UNC5C: variants seen among roughly 807,000 people sequenced by gnomAD.
UNC5C encodes netrin receptor UNC5C.
A neutral mutation model predicts 99.8 loss-of-function variants in UNC5C; 47 were observed. That is an observed-to-expected ratio of 0.47 (90% confidence interval 0.37 to 0.60). The LOEUF (loss-of-function observed/expected upper bound fraction) is 0.60. Among genes scored for constraint, UNC5C ranks in the 20% least tolerant of loss-of-function variants. The probability of loss-of-function intolerance (pLI) is 0.00; values close to 1 mark genes in which losing one functional copy is unlikely to be tolerated. For synonymous variants in UNC5C, 487 were observed against 452.2 expected (o/e 1.08, Z -0.98); for missense variants, 1,062 against 1,165.9 (o/e 0.91, Z 1.30).
intron 5 of UNC5C, chr4:95,248,389 A>G (rs1033348857): frequency 2.9e-6 from 1 of 339,872 alleles, no homozygotes; most frequent in Non-Finnish European, 5.8e-6. Flanking sequence ...GTTATGAAAA[A>G]GTCAATTATG....
intron 1 of UNC5C, among the ~76,000 whole-genome samples, chr4:95,398,309 A>G (rs1038790147): frequency 1.3e-5 from 2 of 152,058 alleles, no homozygotes; most frequent in African/African-American, 4.8e-5. Context: ...CAAAGTTGAA[A>G]CCAAGAAACC....
intron 7 of UNC5C, among the ~76,000 whole-genome samples, chr4:95,226,888 G>C (rs184160466): frequency 6.6e-6 from 1 of 152,228 alleles, no homozygotes; most frequent in African/African-American, 2.4e-5. Context: ...GGAGGCCAAG[G>C]ATATTGAATG....
chr4:95,301,446 C>T (rs113637222), intron 3 of UNC5C, among the ~76,000 whole-genome samples, 160 bp downstream of exon 3: 6,943 of 152,150 alleles, frequency 0.046, 516 homozygotes, highest in African/African-American at 0.16. Context: ...CCGCCCACCT[C>T]GGCCTCCCAA....
At chr4:95,296,682 A>C (rs536146406) in intron 3 of UNC5C, among the ~76,000 whole-genome samples, 1 of 152,214 alleles carries the variant, frequency 6.6e-6, no homozygotes, top group African/African-American at 2.4e-5. Context: ...TTTTAAGTAT[A>C]TATTGTGCTT....
At chr4:95,378,548 G>A (rs1195480122) in intron 1 of UNC5C, among the ~76,000 whole-genome samples, 2 of 152,046 alleles carry the variant, frequency 1.3e-5, no homozygotes, top group East Asian at 3.9e-4. Flanking sequence ...AGCTTTTGAT[G>A]GATCACCAGA....
Position 95,355,078 on chromosome 4 carries a change from G to A in UNC5C, c.125-19447C>T, listed in dbSNP as rs1189856738. Among the ~76,000 whole-genome samples the A allele has an allele frequency of 3.3e-5, 5 of 152,070 alleles. No homozygotes were observed. The East Asian group carries it at 9.7e-4, about 29-fold the overall frequency. ...TTTGTTCTCATAGATTAAGAATTGT[G>A]TAATTGCTATAAAAATAGGCTTTGA... On this transcript the variant is annotated intron_variant, in intron 1 of 15. Coordinates refer to ENST00000453304, the MANE Select transcript of UNC5C (RefSeq NM_003728.4).
At chr4:95,495,703 T>G (rs538288824) in intron 1 of UNC5C, among the ~76,000 whole-genome samples, 1 of 151,724 alleles carries the variant, frequency 6.6e-6, no homozygotes, top group East Asian at 1.9e-4. Flanking sequence ...ATGGCAGATC[T>G]AGGATTTAAA....
intron 1 of UNC5C, among the ~76,000 whole-genome samples, chr4:95,379,197 A>C (rs1744989169): frequency 6.6e-6 from 1 of 152,208 alleles, no homozygotes; most frequent in Non-Finnish European, 1.5e-5. Flanking sequence ...CTCCAAGTTC[A>C]CTTAAGTCTT....
chr4:95,235,829 T>G (rs969678037), intron 7 of UNC5C, among the ~76,000 whole-genome samples: 1 of 151,982 alleles, frequency 6.6e-6, no homozygotes, highest in Non-Finnish European at 1.5e-5. Context: ...AAAAGACACA[T>G]GAAAAAATGA....
chr4:95,467,458 G>A (rs965049753), intron 1 of UNC5C, among the ~76,000 whole-genome samples: 8 of 152,078 alleles, frequency 5.3e-5, no homozygotes, highest in African/African-American at 1.2e-4. Context: ...AACCCTTGCA[G>A]CATGCATATA....
intron 1 of UNC5C, among the ~76,000 whole-genome samples, chr4:95,359,372 G>A (rs1393583550): frequency 4.6e-5 from 7 of 151,862 alleles, no homozygotes; most frequent in Non-Finnish European, 1.5e-5. Flanking sequence ...TTGGCCAAAG[G>A]TGTTCAGCTC....
chr4:95,500,979 A>G (rs535982008), intron 1 of UNC5C, among the ~76,000 whole-genome samples: 5 of 152,130 alleles, frequency 3.3e-5, no homozygotes, highest in Non-Finnish European at 7.4e-5. Context: ...CTGCATGATC[A>G]TTAGTCGAAA....
rs367817992 is a variant in UNC5C at position 95,419,823 on chromosome 4, C to T, written c.125-84192G>A. On this transcript the variant is annotated intron_variant, in intron 1 of 15. Coordinates refer to ENST00000453304, the MANE Select transcript of UNC5C (RefSeq NM_003728.4). ...TACTCTTAAACCTGTACTGGATATA[C>T]TAGATAATATTCAATACCCCAAACA... is the stretch of plus-strand genomic sequence containing the variant. Among the ~76,000 whole-genome samples, 29 of 152,068 alleles carry T rather than the reference C, an allele frequency of 1.9e-4. No homozygotes were observed. The South Asian group carries it at 4.6e-3, about 24-fold the overall frequency.
intron 11 of UNC5C, among the ~76,000 whole-genome samples, chr4:95,204,062 A>G (rs1384386153): frequency 1.3e-5 from 2 of 152,108 alleles, no homozygotes; most frequent in African/African-American, 4.8e-5. Context: ...GAGCTCAGGG[A>G]AATTCTAAAG....
chr4:95,180,509 T>C (rs1456531552), intron 14 of UNC5C, among the ~76,000 whole-genome samples: 1 of 152,244 alleles, frequency 6.6e-6, no homozygotes, highest in Non-Finnish European at 1.5e-5. Context: ...CCAGACATTT[T>C]CCTTCTTAAA....
chr4:95,226,614 C>G (rs1275671385), intron 7 of UNC5C, among the ~76,000 whole-genome samples: 1 of 152,142 alleles, frequency 6.6e-6, no homozygotes, highest in Non-Finnish European at 1.5e-5. Context: ...TTCAGAGAAG[C>G]CGTATGCAAT....
At chr4:95,448,223 T>TGAGAGAGAGAGAGAGAGA (rs1355886184) in intron 1 of UNC5C, among the ~76,000 whole-genome samples, 10 of 108,036 alleles carry the variant, frequency 9.3e-5, no homozygotes, top group South Asian at 5.9e-4. Flanking sequence ...TGTGTGTGTG[T>TGAGAGAGAGAGAGAGAGA]GTGTGAGAGA....
intron 1 of UNC5C, among the ~76,000 whole-genome samples, chr4:95,530,389 G>C (rs527964180): frequency 6.6e-6 from 1 of 152,136 alleles, no homozygotes; most frequent in Admixed American, 6.5e-5. Flanking sequence ...GAGGTGTTCA[G>C]TTCCACAAAG....
chr4:95,277,630 T>G (rs1484019942), intron 4 of UNC5C, among the ~76,000 whole-genome samples: 1 of 152,238 alleles, frequency 6.6e-6, no homozygotes, highest in Admixed American at 6.5e-5. Context: ...TGTGTGTTGC[T>G]AATGAAAAGT....
Sources: gnomAD v4.1 joint callset for allele counts (sites outside exome capture counted in the v4.1 genomes callset) on GRCh38, gnomAD v4.1.1 for gene constraint, MANE v1.5 for transcripts, NCBI Gene and HGNC (gene_info 2026-07-23, HGNC 2026-07-21) for gene names.